Variants in NWD2 observed in about 807,000 individuals in gnomAD.
NWD2 encodes NACHT and WD repeat domain-containing protein 2.
NWD2 carries 37 observed loss-of-function variants against 132.7 expected under a neutral mutation model. The ratio of observed to expected loss-of-function variants is 0.28; its 90% CI spans 0.21 to 0.37. NWD2 has a LOEUF of 0.37. Ranked by LOEUF, NWD2 falls within the 10% of genes least tolerant of loss-of-function variation. The probability of loss-of-function intolerance (pLI) is 1.00; values close to 1 mark genes in which losing one functional copy is unlikely to be tolerated. For synonymous variants in NWD2, 705 were observed against 803.0 expected (o/e 0.88, Z 2.06); for missense variants, 1,592 against 2,122.4 (o/e 0.75, Z 4.91).
At chr4:37,378,811 A>C (rs998255350) in intron 3 of NWD2, among the ~76,000 whole-genome samples, 6 of 152,218 alleles carry the variant, frequency 3.9e-5, no homozygotes, top group Non-Finnish European at 1.5e-5. Flanking sequence ...TTAAAAATGG[A>C]GAAGTTTAAA....
At chr4:37,322,162 C>G (rs1719081976) in intron 1 of NWD2, among the ~76,000 whole-genome samples, 1 of 152,106 alleles carries the variant, frequency 6.6e-6, no homozygotes. Flanking sequence ...ATTAATTGAG[C>G]AAGACTCCAA....
rs556152983 is a variant in NWD2 at position 37,311,943 on chromosome 4, A to G, written c.152-13993A>G. 4.2e-3 allele frequency among the ~76,000 whole-genome samples: 636 copies of G among 151,542 alleles called. 3 individuals carry two copies. Among genetic ancestry groups the G allele is most frequent in the Non-Finnish European group, 6.9e-3 (469 of 67,996 alleles). ...TGTCAAAGATCAGATAGTTGTAGAT[A>G]TGCGGCGTTATTTCTGAGGGCTCTG... On this transcript the variant is annotated intron_variant, in intron 1 of 6. Coordinates refer to ENST00000309447, the MANE Select transcript of NWD2 (RefSeq NM_001144990.2).
At chr4:37,247,137 C>T (rs1363747940) in intron 1 of NWD2, among the ~76,000 whole-genome samples, 1 of 152,136 alleles carries the variant, frequency 6.6e-6, no homozygotes, top group East Asian at 1.9e-4. Flanking sequence ...TGAAGCTTAC[C>T]TGGGAAGTTT....
At chr4:37,293,755 G>A (rs1332141027) in intron 1 of NWD2, among the ~76,000 whole-genome samples, 1 of 152,094 alleles carries the variant, frequency 6.6e-6, no homozygotes, top group Non-Finnish European at 1.5e-5. Context: ...TACTAATGAC[G>A]TTAAGGATTT....
At chr4:37,312,995 A>G (rs1315629251) in intron 1 of NWD2, among the ~76,000 whole-genome samples, 1 of 151,086 alleles carries the variant, frequency 6.6e-6, no homozygotes, top group African/African-American at 2.5e-5. Flanking sequence ...ATCATGGTGG[A>G]TAAGCTTTTT....
At position 37,448,270 on chromosome 4, in the gene NWD2, A is replaced by G. The variant is rs866792783; in HGVS notation, c.*1053A>G. ...GACCAAATACTCTGGGATAAACTGA[A>G]TATGCCTGTCTTTGTGCTAAAATAT... On this transcript the variant is annotated 3_prime_UTR_variant, in exon 7 of 7. Coordinates refer to ENST00000309447, the MANE Select transcript of NWD2 (RefSeq NM_001144990.2). 1 of 152,198 alleles carries G rather than the reference A, an allele frequency of 6.6e-6. No individual in the cohort carries two copies. 9.4% of individuals were successfully genotyped at this position (152,198 alleles called of 1,614,324 possible).
Position 37,438,840 on chromosome 4 carries a change from C to G in NWD2, c.746C>G (p.Thr249Ser). 1.3e-6 allele frequency: 2 copies of G among 1,551,422 alleles called. No individual in the cohort carries two copies. Among genetic ancestry groups the G allele is most frequent in the Non-Finnish European group, 1.7e-6 (2 of 1,146,874 alleles). Residue 249 changes from threonine to serine, a missense_variant, in exon 6 of 7, where the codon ACT (threonine) becomes AGT (serine). This residue lies in a region of NWD2 where 5 missense variants were observed against 29.0 expected (regional missense o/e 0.17). Transcript: ENST00000309447. ...DEFDFALGKQ[T>S]PAFLKKCVCY... ...TTTGACTTTGCTCTGGGAAAACAAA[C>G]TCCAGCATTTCTAAAGAAGTGTGTT...
intron 1 of NWD2, among the ~76,000 whole-genome samples, chr4:37,318,762 G>T (rs1719010674): frequency 6.6e-6 from 1 of 152,024 alleles, no homozygotes; most frequent in African/African-American, 2.4e-5. Context: ...AATTCACTTA[G>T]AATGATGGCA....
At chr4:37,408,043 T>G (rs1176385828) in intron 3 of NWD2, among the ~76,000 whole-genome samples, 3 of 152,170 alleles carry the variant, frequency 2.0e-5, no homozygotes, top group Non-Finnish European at 2.9e-5. Flanking sequence ...ACCAGGAGAT[T>G]CCCTCCATTG....
intron 3 of NWD2, among the ~76,000 whole-genome samples, chr4:37,400,984 T>C (rs1444422975): frequency 6.6e-6 from 1 of 152,190 alleles, no homozygotes; most frequent in Non-Finnish European, 1.5e-5. Flanking sequence ...ACCTGTGCTA[T>C]TCATTGGAGT....
intron 1 of NWD2, among the ~76,000 whole-genome samples, chr4:37,250,489 C>A (rs1231031793): frequency 6.6e-6 from 1 of 152,066 alleles, no homozygotes; most frequent in Non-Finnish European, 1.5e-5. Flanking sequence ...TAAAAGAAGT[C>A]AATGATATCA....
intron 1 of NWD2, among the ~76,000 whole-genome samples, chr4:37,286,639 G>T (rs930483183): frequency 6.6e-6 from 1 of 152,178 alleles, no homozygotes; most frequent in African/African-American, 2.4e-5. Context: ...TAGCCAACTT[G>T]TGTGCACTTG....
chr4:37,416,184 G>T (rs1028443602), intron 3 of NWD2, among the ~76,000 whole-genome samples: 4 of 152,200 alleles, frequency 2.6e-5, no homozygotes, highest in African/African-American at 7.2e-5. Context: ...TCCAGGCCGG[G>T]GTAGGGACCG....
At chr4:37,399,830 G>T (rs1720867930) in intron 3 of NWD2, among the ~76,000 whole-genome samples, 1 of 152,182 alleles carries the variant, frequency 6.6e-6, no homozygotes, top group South Asian at 2.1e-4. Flanking sequence ...GCTTAGAAAT[G>T]CAGATTGCCT....
intron 3 of NWD2, among the ~76,000 whole-genome samples, chr4:37,374,462 C>T (rs1184259643): frequency 6.6e-6 from 1 of 152,114 alleles, no homozygotes; most frequent in Non-Finnish European, 1.5e-5. Context: ...AAGAATAGAA[C>T]TAACACGATA....
In NWD2 at chr4:37,359,554, C is replaced by A. The variant is rs28680361; in HGVS notation, c.357+3072C>A. Among the ~76,000 whole-genome samples the A allele has an allele frequency of 8.2e-3, 1,240 of 152,074 alleles. 19 individuals are homozygous for A. Among genetic ancestry groups the A allele is most frequent in the African/African-American group, 0.028 (1,178 of 41,448 alleles). Reference sequence around the variant, plus strand: ...GATGCAGAGCTTAACATAATACTTCCCCTAATGCTGAAGTCTTTGGCAAGG... The same window carrying A: ...GATGCAGAGCTTAACATAATACTTCACCTAATGCTGAAGTCTTTGGCAAGG... On this transcript the variant is annotated intron_variant, in intron 3 of 6. Coordinates refer to ENST00000309447, the MANE Select transcript of NWD2 (RefSeq NM_001144990.2).
intron 1 of NWD2, among the ~76,000 whole-genome samples, chr4:37,305,390 C>T (rs1209006607): frequency 6.6e-6 from 1 of 152,200 alleles, no homozygotes; most frequent in African/African-American, 2.4e-5. Flanking sequence ...CCTTGAATTC[C>T]TCTCCAGAAA....
intron 3 of NWD2, among the ~76,000 whole-genome samples, chr4:37,371,681 C>T (rs1720232568): frequency 6.6e-6 from 1 of 152,180 alleles, no homozygotes; most frequent in African/African-American, 2.4e-5. Flanking sequence ...AAGTGTTTCA[C>T]CCAATTCTCT....
chr4:37,335,120 TGCTTCTTG>T (rs1719373874), intron 2 of NWD2, among the ~76,000 whole-genome samples: 1 of 152,134 alleles, frequency 6.6e-6, no homozygotes, highest in African/African-American at 2.4e-5. Context: ...ATACAGTCTA[TGCTTCTTG>T]GCACAATGTG....
Sources: gnomAD v4.1 joint callset for allele counts (sites outside exome capture counted in the v4.1 genomes callset) on GRCh38, gnomAD v4.1.1 for gene constraint, gnomAD v4.1.1 regional missense constraint, MANE v1.5 for transcripts, NCBI Gene and HGNC (gene_info 2026-07-23, HGNC 2026-07-21) for gene names.